ANKS1B: variants seen among roughly 807,000 people sequenced by gnomAD.
ANKS1B encodes the protein ankyrin repeat and sterile alpha motif domain containing 1B.
In ANKS1B, 36 loss-of-function variants were observed where a neutral mutation model predicts 148.3. That is an observed-to-expected ratio of 0.24 (90% CI 0.19 to 0.32). The LOEUF is 0.32. Ranked by LOEUF, ANKS1B falls within the 10% of genes least tolerant of loss-of-function variation. ANKS1B has a pLI of 1.00. For missense variants in ANKS1B, 1,157 were observed against 1,542.6 expected, an observed-to-expected ratio of 0.75 and a Z score of 4.19; for synonymous variants, 542 against 560.8, an observed-to-expected ratio of 0.97 and a Z score of 0.47.
intron 12 of ANKS1B, among the ~76,000 whole-genome samples, chr12:99,354,605 T>G (rs558530988): frequency 6.6e-6 from 1 of 152,178 alleles, no homozygotes; most frequent in East Asian, 1.9e-4. Flanking sequence ...AACCCACTGT[T>G]GTCACACCAT....
At chr12:99,513,422 T>C (rs1262702847) in intron 9 of ANKS1B, among the ~76,000 whole-genome samples, 1 of 152,062 alleles carries the variant, frequency 6.6e-6, no homozygotes, top group Non-Finnish European at 1.5e-5. Context: ...CTGTCTTGAT[T>C]AGTGGAGCGT....
chr12:99,036,060 C>T (rs1353837966), intron 17 of ANKS1B, among the ~76,000 whole-genome samples: 1 of 152,172 alleles, frequency 6.6e-6, no homozygotes, highest in African/African-American at 2.4e-5. Context: ...CACACAGGGC[C>T]TGCACCTCTC....
chr12:98,759,472 C>T (rs1413370019), intron 25 of ANKS1B, among the ~76,000 whole-genome samples: 2 of 152,016 alleles, frequency 1.3e-5, no homozygotes, highest in South Asian at 2.1e-4. Flanking sequence ...TCCTTGTCCC[C>T]GAGGCTATAC....
downstream of ANKS1B, among the ~76,000 whole-genome samples, chr12:98,742,875 T>C (rs1274921931): frequency 1.3e-5 from 2 of 152,238 alleles, no homozygotes; most frequent in Non-Finnish European, 2.9e-5. Flanking sequence ...GGTGGGCCAG[T>C]GGGCCTTGCT....
chr12:99,603,024 C>T (rs754563708), intron 9 of ANKS1B, among the ~76,000 whole-genome samples: 10 of 151,972 alleles, frequency 6.6e-5, no homozygotes, highest in Non-Finnish European at 1.2e-4. Flanking sequence ...TGATTATTTA[C>T]ATAAATCCAG....
intron 1 of ANKS1B, among the ~76,000 whole-genome samples, chr12:99,952,602 A>C (rs893105886): frequency 2.6e-5 from 4 of 152,214 alleles, no homozygotes; most frequent in Admixed American, 2.6e-4. Flanking sequence ...AACTTCCCAC[A>C]GCAGAGAAAG....
intron 9 of ANKS1B, among the ~76,000 whole-genome samples, chr12:99,602,911 T>C (rs1046584575): frequency 6.6e-6 from 1 of 152,144 alleles, no homozygotes; most frequent in African/African-American, 2.4e-5. Context: ...AGTTTTCATC[T>C]GACACATAAT....
At chr12:99,568,223 T>C (rs1042985620) in intron 9 of ANKS1B, among the ~76,000 whole-genome samples, 7 of 152,210 alleles carry the variant, frequency 4.6e-5, no homozygotes, top group African/African-American at 1.7e-4. Flanking sequence ...TTCCAGCTTC[T>C]AGAGGAGACT....
At position 99,300,332 on chromosome 12, in the gene ANKS1B, T is replaced by C. The variant is rs192909465; in HGVS notation, c.1757-53468A>G. ...CTCATTATCATTTTAGAAGGATAAT[T>C]ATAGATAATTACAGGTAAACTATCA... On this transcript the variant is annotated intron_variant, in intron 12 of 26. Transcript: ENST00000683438. Among the ~76,000 whole-genome samples the C allele has an allele frequency of 1.6e-4, 24 of 150,234 alleles. No homozygotes were observed. In the East Asian group the frequency reaches 3.8e-3, roughly 24 times the overall value.
intron 12 of ANKS1B, among the ~76,000 whole-genome samples, chr12:99,376,360 A>G (rs775651332): frequency 2.6e-5 from 4 of 152,206 alleles, no homozygotes; most frequent in Non-Finnish European, 4.4e-5. Context: ...GCTGTTATCC[A>G]TAAACGAACA....
At chr12:99,292,497 A>G (rs990163460) in intron 12 of ANKS1B, among the ~76,000 whole-genome samples, 25 of 149,690 alleles carry the variant, frequency 1.7e-4, no homozygotes, top group African/African-American at 6.0e-4. Flanking sequence ...CCTGGGCGAC[A>G]GAGCAAGACT....
At chr12:99,725,430 G>A (rs1407265366) in intron 8 of ANKS1B, among the ~76,000 whole-genome samples, 2 of 152,132 alleles carry the variant, frequency 1.3e-5, no homozygotes, top group South Asian at 2.1e-4. Context: ...ATGGTAAAGG[G>A]ATCAATTCAA....
chr12:99,092,135 T>TG (rs66490476), intron 15 of ANKS1B, among the ~76,000 whole-genome samples: 1 of 151,928 alleles, frequency 6.6e-6, no homozygotes, highest in Non-Finnish European at 1.5e-5. Flanking sequence ...GGCAGGGACC[T>TG]GGGGGGTTTC....
intron 25 of ANKS1B, among the ~76,000 whole-genome samples, chr12:98,753,290 T>G (rs1419256150): frequency 6.6e-6 from 1 of 152,182 alleles, no homozygotes; most frequent in African/African-American, 2.4e-5. Context: ...CATCACATTG[T>G]CTGACCCAAA....
intron 1 of ANKS1B, among the ~76,000 whole-genome samples, chr12:99,888,229 C>A (rs1428868022): frequency 6.6e-6 from 1 of 152,312 alleles, no homozygotes; most frequent in Non-Finnish European, 1.5e-5. Context: ...AAGACCCAGA[C>A]AACTTCCAGT....
intron 12 of ANKS1B, among the ~76,000 whole-genome samples, chr12:99,385,207 G>A (rs977409818): frequency 7.9e-5 from 12 of 151,530 alleles, no homozygotes; most frequent in African/African-American, 2.2e-4. Flanking sequence ...AGTGGCTCAC[G>A]CCTGTAATCG....
intron 10 of ANKS1B, among the ~76,000 whole-genome samples, chr12:99,476,510 T>C (rs1473180277): frequency 6.6e-6 from 1 of 152,188 alleles, no homozygotes; most frequent in Non-Finnish European, 1.5e-5. Context: ...AACTGTGATC[T>C]ATAAAGTGAT....
chr12:99,062,347 C>G (rs2372631), intron 16 of ANKS1B, among the ~76,000 whole-genome samples: 116,034 of 152,068 alleles, frequency 0.76, 44,443 homozygotes, highest in East Asian at 0.91. Context: ...TATTTTTTTT[C>G]TGACAGCTGA....
At chr12:99,881,019 A>G (rs2092446210) in intron 1 of ANKS1B, among the ~76,000 whole-genome samples, 1 of 152,222 alleles carries the variant, frequency 6.6e-6, no homozygotes, top group Admixed American at 6.5e-5. Context: ...AGGGCTCCAA[A>G]GAGTAAAGAA....
Sources: allele counts gnomAD v4.1 joint callset (sites outside exome capture counted in the v4.1 genomes callset), GRCh38; gene constraint gnomAD v4.1.1; transcripts MANE v1.5; gene names NCBI Gene and HGNC (gene_info 2026-07-23, HGNC 2026-07-21).